The following HMCN1 variants were observed in gnomAD, a reference collection of about 807,000 sequenced individuals.
HMCN1 encodes the protein hemicentin 1.
In HMCN1, 321 loss-of-function variants were observed where a neutral mutation model predicts 625.9. That is an observed-to-expected ratio of 0.51 (90% CI 0.47 to 0.56). HMCN1 has a LOEUF of 0.56. HMCN1 is among the 20% of genes least tolerant of loss of function. HMCN1 has a pLI of 0.00. For synonymous variants in HMCN1, 2,425 were observed against 2,417.6 expected (o/e 1.00, Z -0.09); for missense variants, 6,588 against 6,887.3 (o/e 0.96, Z 1.54).
chr1:186,132,351 A>G lies in HMCN1; in HGVS notation c.13254A>G (p.Thr4418=). 1 of 1,612,934 alleles carries G rather than the reference A, an allele frequency of 6.2e-7. No individual in the cohort carries two copies. The highest frequency in any genetic ancestry group is 8.5e-7 in the Non-Finnish European group (1 of 1,179,428). ...GTVNEDAGDY[T]CVATNEAGVV... Reference sequence around the variant, plus strand: ...AGAATGAAGATGCCGGTGACTATACATGTGTAGCTACCAATGAAGCTGGGG... The same window carrying G: ...AGAATGAAGATGCCGGTGACTATACGTGTGTAGCTACCAATGAAGCTGGGG... Residue 4418 remains threonine, a synonymous_variant, in exon 86 of 107, where the codon ACA becomes ACG. Transcript: ENST00000271588.
chr1:186,090,952 T>C (rs1659808410), intron 64 of HMCN1, 35 bp downstream of exon 64: 3 of 1,588,978 alleles, frequency 1.9e-6, no homozygotes, highest in Non-Finnish European at 2.6e-6. Flanking sequence ...TTATAAATTG[T>C]AAGCCCTTCT....
chr1:186,071,200 A>T (rs974969691), intron 52 of HMCN1, among the ~76,000 whole-genome samples: 1 of 152,210 alleles, frequency 6.6e-6, no homozygotes, highest in Non-Finnish European at 1.5e-5. Context: ...AATGACAGGT[A>T]TAACATGGGT....
rs768359660 is a variant in HMCN1 at position 186,070,699 on chromosome 1, T to C, written c.8081T>C (p.Leu2694Ser). 1.9e-6 allele frequency: 3 copies of C among 1,613,818 alleles called. No homozygotes were observed. Among genetic ancestry groups the C allele is most frequent in the African/African-American group, 2.7e-5 (2 of 74,940 alleles). The change falls in exon 52 of 107, where the codon TTG becomes TCG. Residue 2694 changes from leucine (L) to serine (S), a missense_variant. Transcript: ENST00000271588. The part of the protein sequence containing the change: ...VKIKVNNTLT[L>S]ECEAYAIPSA... ...ATCAAAGTAAACAACACTCTGACCTTGGAATGTGAAGCGTATGCAATTCCT... is the reference window on the plus strand; with the variant it reads ...ATCAAAGTAAACAACACTCTGACCTCGGAATGTGAAGCGTATGCAATTCCT...
At chr1:185,924,990 C>T (rs1485170432) in intron 8 of HMCN1, 57 bp from the exon 9 acceptor site, 7 of 1,449,254 alleles carry the variant, frequency 4.8e-6, no homozygotes, top group Non-Finnish European at 6.6e-6. Flanking sequence ...CAGTACTTAA[C>T]ATCATTGTGA....
chr1:185,837,097 A>C (rs978220629), intron 1 of HMCN1, among the ~76,000 whole-genome samples: 14 of 150,704 alleles, frequency 9.3e-5, no homozygotes, highest in African/African-American at 3.2e-4. Context: ...TCTACTGTTG[A>C]TGGGCATTTA....
rs534938489 is a variant in HMCN1, at chr1:185,998,516, C to A, written c.3874+992C>A. 3.9e-5 allele frequency among the ~76,000 whole-genome samples: 6 copies of A among 152,154 alleles called. No homozygotes were observed. In the South Asian group the frequency reaches 1.2e-3, roughly 32 times the overall value. On this transcript the variant is annotated intron_variant, in intron 25 of 106. Transcript: ENST00000271588. ...TAGGGAGGTGAAGCCTGGAAGGAGG[C>A]CTTCTTTAGAAGGGTTTAAGCTCAG...
chr1:185,942,961 A>T (rs927195094), intron 11 of HMCN1, among the ~76,000 whole-genome samples: 1 of 151,972 alleles, frequency 6.6e-6, no homozygotes, highest in Non-Finnish European at 1.5e-5. Flanking sequence ...GGGGAAAAAA[A>T]GCTGTTTTTC....
intron 2 of HMCN1, among the ~76,000 whole-genome samples, chr1:185,857,179 A>T (rs1662519660): frequency 6.6e-6 from 1 of 152,190 alleles, no homozygotes; most frequent in African/African-American, 2.4e-5. Context: ...TTTTTATTCC[A>T]GGAGCAACAT....
chr1:186,082,127 A>G (rs1292148654), intron 56 of HMCN1, among the ~76,000 whole-genome samples: 2 of 152,214 alleles, frequency 1.3e-5, no homozygotes, highest in Non-Finnish European at 2.9e-5. Flanking sequence ...AACCTCTACC[A>G]AAATACTTCA....
At chr1:186,057,088 A>G (rs1657383625) in intron 45 of HMCN1, 146 bp from the exon 46 acceptor site, 1 of 683,792 alleles carries the variant, frequency 1.5e-6, no homozygotes, top group Non-Finnish European at 2.6e-6. Context: ...GTGATTGCTT[A>G]TTTTGCTTAC....
intron 71 of HMCN1, 84 bp from the exon 72 acceptor site, chr1:186,112,728 A>G (rs1660947674): frequency 1.0e-5 from 16 of 1,526,290 alleles, no homozygotes; most frequent in Non-Finnish European, 1.4e-5. Context: ...ACAGTTCACT[A>G]TACTTACTTT....
intron 1 of HMCN1, among the ~76,000 whole-genome samples, chr1:185,841,962 T>C (rs1021121972): frequency 6.6e-6 from 1 of 152,226 alleles, no homozygotes; most frequent in Admixed American, 6.5e-5. Context: ...ATATAGAACT[T>C]AAAAAGAAAT....
intron 6 of HMCN1, among the ~76,000 whole-genome samples, chr1:185,915,731 C>T (rs1449837895): frequency 1.3e-5 from 2 of 152,092 alleles, no homozygotes; most frequent in South Asian, 2.1e-4. Context: ...GTGGCATAAG[C>T]TTGTTTAGGA....
At chr1:185,977,271 A>C (rs1023887023) in intron 15 of HMCN1, among the ~76,000 whole-genome samples, 50 of 152,264 alleles carry the variant, frequency 3.3e-4, no homozygotes, top group African/African-American at 1.2e-3. Flanking sequence ...TATGAGAAGC[A>C]AGAATATGAT....
intron 4 of HMCN1, among the ~76,000 whole-genome samples, chr1:185,885,480 C>T (rs889815431): frequency 1.3e-5 from 2 of 150,568 alleles, no homozygotes; most frequent in Non-Finnish European, 1.5e-5. Flanking sequence ...TCCTTATTAC[C>T]TGTGTTAAAA....
At chr1:186,146,759 G>T (rs77352033) in intron 93 of HMCN1, among the ~76,000 whole-genome samples, 1,915 of 152,288 alleles carry the variant, frequency 0.013, 31 homozygotes, top group African/African-American at 0.044. Context: ...CTGAGGCATG[G>T]TGTCAGCTTC....
chr1:186,007,152 T>A lies in HMCN1; in HGVS notation c.4500T>A (p.Asn1500Lys). 1 of 1,613,170 alleles carries A rather than the reference T, an allele frequency of 6.2e-7. No homozygotes were observed. The highest frequency in any genetic ancestry group is 8.5e-7 in the Non-Finnish European group (1 of 1,179,224). The change falls in exon 30 of 107, where the codon AAT (asparagine) becomes AAA (lysine). Residue 1500 changes from asparagine (N) to lysine (K), a missense_variant. By Grantham distance (94) the Asn-to-Lys change is moderately conservative. This residue lies in a region of HMCN1 where 4,628 missense variants were observed against 4,853.1 expected (regional missense o/e 0.95). Transcript: ENST00000271588. Reference protein sequence around the residue: ...DGKPLFLGDPNVELLDRGQVL... With the variant: ...DGKPLFLGDPKVELLDRGQVL... ...GGCCTTTATTTTTGGGCGATCCTAA[T>A]GTTGAACTTCTAGACAGAGGACAAG...
intron 1 of HMCN1, among the ~76,000 whole-genome samples, chr1:185,817,125 T>A (rs536332429): frequency 6.6e-6 from 1 of 152,316 alleles, no homozygotes; most frequent in East Asian, 1.9e-4. Flanking sequence ...GAAACAGAGA[T>A]GAACGAGAAA....
intron 28 of HMCN1, among the ~76,000 whole-genome samples, chr1:186,002,955 G>A (rs967925823): frequency 6.6e-6 from 1 of 152,034 alleles, no homozygotes; most frequent in Non-Finnish European, 1.5e-5. Context: ...TCATCCTTCT[G>A]TGAAAGTCTA....
Sources: allele counts gnomAD v4.1 joint callset (sites outside exome capture counted in the v4.1 genomes callset), GRCh38; gene constraint gnomAD v4.1.1; regional missense constraint gnomAD v4.1.1; transcripts MANE v1.5; gene names NCBI Gene and HGNC (gene_info 2026-07-23, HGNC 2026-07-21).